Variants in PRKG1 observed in about 807,000 individuals in gnomAD.
PRKG1 encodes protein kinase cGMP-dependent 1, also known as cGMP-dependent protein kinase 1.
PRKG1 carries 35 observed loss-of-function variants against 88.1 expected under a neutral mutation model. The observed-to-expected ratio is 0.40, with a 90% CI of 0.30 to 0.53. The LOEUF (loss-of-function observed/expected upper bound fraction) is 0.53, where lower values mean the gene tolerates loss of function less well. Among genes scored for constraint, PRKG1 ranks in the 20% least tolerant of loss-of-function variants. The probability of loss-of-function intolerance (pLI) is 0.59; values close to 1 mark genes in which losing one functional copy is unlikely to be tolerated. For missense variants in PRKG1, 540 were observed against 839.8 expected (o/e 0.64, Z 4.41); for synonymous variants, 303 against 292.5 (o/e 1.04, Z -0.37).
intron 2 of PRKG1, among the ~76,000 whole-genome samples, chr10:51,351,191 C>A (rs1250429320): frequency 6.6e-6 from 1 of 152,134 alleles, no homozygotes. Flanking sequence ...CAAGTCTTTG[C>A]TATTGTGAAC....
intron 3 of PRKG1, among the ~76,000 whole-genome samples, chr10:51,735,992 C>A (rs1837267873): frequency 2.1e-5 from 3 of 144,154 alleles, no homozygotes; most frequent in Admixed American, 7.0e-5. Context: ...TTCTGGGCTC[C>A]CACAATGCTC....
intron 5 of PRKG1, among the ~76,000 whole-genome samples, chr10:51,956,247 A>G (rs904479002): frequency 6.6e-6 from 1 of 152,030 alleles, no homozygotes; most frequent in African/African-American, 2.4e-5. Flanking sequence ...CAAGTGATAT[A>G]CTTTCCCCAT....
chr10:51,840,255 T>G (rs911687676), intron 4 of PRKG1, among the ~76,000 whole-genome samples: 1 of 152,126 alleles, frequency 6.6e-6, no homozygotes, highest in African/African-American at 2.4e-5. Flanking sequence ...ATGTTAAGGA[T>G]TTTTGAAGCT....
intron 2 of PRKG1, among the ~76,000 whole-genome samples, chr10:51,424,561 A>T (rs1838519193): frequency 6.6e-6 from 1 of 152,124 alleles, no homozygotes; most frequent in African/African-American, 2.4e-5. Flanking sequence ...TATCCATGTG[A>T]TCATGTTTAC....
intron 3 of PRKG1, among the ~76,000 whole-genome samples, chr10:51,528,942 G>A (rs1664908080): frequency 6.6e-6 from 1 of 152,058 alleles, no homozygotes; most frequent in Admixed American, 6.6e-5. Context: ...ATCCATAAAA[G>A]TTCTGAGAGT....
chr10:51,100,904 A>T (rs149971201), intron 1 of PRKG1, among the ~76,000 whole-genome samples: 1 of 152,164 alleles, frequency 6.6e-6, no homozygotes, highest in African/African-American at 2.4e-5. Flanking sequence ...GCTGTGAAAA[A>T]AGGGTGATTC....
intron 3 of PRKG1, among the ~76,000 whole-genome samples, chr10:51,534,350 T>C (rs1184455105): frequency 6.6e-6 from 1 of 152,014 alleles, no homozygotes; most frequent in East Asian, 1.9e-4. Flanking sequence ...ATTGCCAATA[T>C]TCAACAAGGA....
chr10:51,669,885 C>T (rs1480076135), intron 3 of PRKG1, among the ~76,000 whole-genome samples: 4 of 152,084 alleles, frequency 2.6e-5, no homozygotes, highest in South Asian at 4.1e-4. Context: ...GCCCCTTCAA[C>T]GAAGCTGATT....
intron 8 of PRKG1, among the ~76,000 whole-genome samples, chr10:52,145,674 C>CT (rs1263475405): frequency 6.6e-6 from 1 of 152,114 alleles, no homozygotes; most frequent in Admixed American, 6.6e-5. Context: ...ATCCACAGCA[C>CT]TTTTTTGGTG....
At chr10:51,156,102 C>A (rs1354922226) in intron 2 of PRKG1, among the ~76,000 whole-genome samples, 2 of 151,936 alleles carry the variant, frequency 1.3e-5, no homozygotes, top group African/African-American at 4.8e-5. Context: ...TGTACAGCTG[C>A]AAATTTACTA....
intron 2 of PRKG1, among the ~76,000 whole-genome samples, chr10:51,218,834 A>G (rs891380417): frequency 6.6e-5 from 10 of 151,946 alleles, no homozygotes; most frequent in Admixed American, 1.3e-4. Flanking sequence ...TATCAAAGAA[A>G]GGAAGGAGAG....
intron 2 of PRKG1, among the ~76,000 whole-genome samples, chr10:51,286,002 G>T (rs1840431251): frequency 1.3e-5 from 2 of 151,992 alleles, no homozygotes; most frequent in African/African-American, 2.4e-5. Context: ...ATGGAGTCTT[G>T]CTCTGTCATC....
intron 1 of PRKG1, among the ~76,000 whole-genome samples, chr10:51,037,101 ATACT>A (rs1843362276): frequency 6.6e-6 from 1 of 152,206 alleles, no homozygotes; most frequent in African/African-American, 2.4e-5. Context: ...AACCATTTAA[ATACT>A]TAGCCTTAAG....
intron 2 of PRKG1, among the ~76,000 whole-genome samples, chr10:51,238,599 TAA>T (rs1325095433): frequency 6.9e-6 from 1 of 145,260 alleles, no homozygotes; most frequent in Non-Finnish European, 1.5e-5. Flanking sequence ...AATAAAAAAA[TAA>T]AAAAAGTCAA....
intron 8 of PRKG1, among the ~76,000 whole-genome samples, chr10:52,161,274 A>C (rs1838269042): frequency 6.6e-6 from 1 of 152,064 alleles, no homozygotes; most frequent in Non-Finnish European, 1.5e-5. Flanking sequence ...TAAGCAGTTA[A>C]ATCATTCCTC....
At chr10:51,829,983 A>G (rs1589329003) in intron 4 of PRKG1, among the ~76,000 whole-genome samples, 1 of 152,104 alleles carries the variant, frequency 6.6e-6, no homozygotes, top group African/African-American at 2.4e-5. Context: ...TGTTGATGAA[A>G]CCAGCTTTCT....
In PRKG1 at chr10:51,962,279, G is replaced by A. The variant is rs1204514666; in HGVS notation, c.762+54709G>A. Among the ~76,000 whole-genome samples, 5 of 152,128 alleles carry A rather than the reference G, an allele frequency of 3.3e-5. No individual in the cohort carries two copies. In the East Asian group the frequency reaches 9.6e-4, roughly 29 times the overall value. On this transcript the variant is annotated intron_variant, in intron 5 of 17. Coordinates refer to ENST00000373980, the MANE Select transcript of PRKG1 (RefSeq NM_006258.4). The stretch of plus-strand genomic sequence containing the variant: ...CAGATACTGAGGCATTCAGAATGGT[G>A]GGTGGGAACACTAGTCTTGCAGCTG...
intron 7 of PRKG1, among the ~76,000 whole-genome samples, chr10:52,130,442 A>G (rs560838234): frequency 6.6e-6 from 1 of 152,336 alleles, no homozygotes; most frequent in South Asian, 2.1e-4. Context: ...TGATGAATAC[A>G]TTTTTAAAAA....
chr10:51,465,105 A>G (rs1490716556), intron 2 of PRKG1, among the ~76,000 whole-genome samples: 2 of 152,126 alleles, frequency 1.3e-5, no homozygotes, highest in East Asian at 3.9e-4. Context: ...TGGCAGTACA[A>G]CTGAGTATGG....
Sources: gnomAD v4.1 joint callset for allele counts (sites outside exome capture counted in the v4.1 genomes callset) on GRCh38, gnomAD v4.1.1 for gene constraint, MANE v1.5 for transcripts, NCBI Gene and HGNC (gene_info 2026-07-23, HGNC 2026-07-21) for gene names.